Variants in ZNF713 observed in about 807,000 individuals in gnomAD.
ZNF713 encodes the protein zinc finger protein 713.
In ZNF713, 21 loss-of-function variants were observed where a neutral mutation model predicts 28.7. The ratio of observed to expected loss-of-function variants is 0.73; its 90% CI spans 0.52 to 1.05. The LOEUF is 1.05. Ranked by LOEUF, ZNF713 falls within the 50% of genes least tolerant of loss-of-function variation. The pLI is 0.00. For synonymous variants in ZNF713, 167 were observed against 178.0 expected (o/e 0.94, Z 0.49); for missense variants, 458 against 532.4 (o/e 0.86, Z 1.37).
In ZNF713 at chr7:55,939,523, G is replaced by C. The variant is rs1213318331; in HGVS notation, c.849G>C (p.Glu283Asp). The change falls in exon 7 of 7, where the codon GAG (glutamate) becomes GAC (aspartate). Residue 283 changes from glutamate (E) to aspartate (D), a missense_variant. Coordinates refer to ENST00000429591, the MANE Select transcript of ZNF713 (RefSeq NM_182633.3). ...LSQPQMLLTG[E>D]KPYKCDECGK... Reference sequence around the variant, plus strand: ...AGCCTCAGATGTTGCTTACAGGAGAGAAGCCCTATAAGTGTGATGAATGTG... The same window carrying C: ...AGCCTCAGATGTTGCTTACAGGAGACAAGCCCTATAAGTGTGATGAATGTG... 6.2e-7 allele frequency: 1 copy of C among 1,613,896 alleles called. No homozygotes were observed. Among genetic ancestry groups the C allele is most frequent in the Admixed American group, 1.7e-5 (1 of 59,962 alleles).
In ZNF713 at chr7:55,925,280, A is replaced by T. The variant is rs552836384; in HGVS notation, c.307+1581A>T. Among the ~76,000 whole-genome samples, 5 of 152,238 alleles carry T rather than the reference A, an allele frequency of 3.3e-5. No homozygotes were observed. The South Asian group carries it at 1.0e-3, about 32-fold the overall frequency. On this transcript the variant is annotated intron_variant, in intron 6 of 6. Transcript: ENST00000429591. ...CTTCGGCTTTTTCAAGTTGACTTTG[A>T]CTTGGCTATCCTTCTTGCTTTTAAT...
intron 1 of ZNF713, among the ~76,000 whole-genome samples, chr7:55,894,595 C>T (rs1327752167): frequency 6.6e-6 from 1 of 152,116 alleles, no homozygotes; most frequent in African/African-American, 2.4e-5. Flanking sequence ...TTGATACAAC[C>T]TTCCTGGACA....
chr7:55,925,864 T>C (rs1316078203), intron 6 of ZNF713, among the ~76,000 whole-genome samples: 1 of 152,088 alleles, frequency 6.6e-6, no homozygotes, highest in Non-Finnish European at 1.5e-5. Context: ...GAGAACTCCC[T>C]TTTCAGGTAA....
chr7:55,893,011 T>C (rs1785417403), intron 1 of ZNF713, among the ~76,000 whole-genome samples: 1 of 150,884 alleles, frequency 6.6e-6, no homozygotes, highest in African/African-American at 2.4e-5. Context: ...GCCTCCCGAG[T>C]AGCTGGGACT....
intron 6 of ZNF713, chr7:55,924,851 G>A (rs968216369): frequency 6.6e-6 from 1 of 152,148 alleles, no homozygotes; most frequent in Non-Finnish European, 1.5e-5. Context: ...TCCAGCCTGG[G>A]TAACAGAGCG....
intron 4 of ZNF713, among the ~76,000 whole-genome samples, chr7:55,920,392 C>T (rs1257162506): frequency 6.6e-6 from 1 of 152,188 alleles, no homozygotes; most frequent in Non-Finnish European, 1.5e-5. Flanking sequence ...GATAAGAAAG[C>T]AAAACAGCTG....
chr7:55,925,895 C>T (rs974971503), intron 6 of ZNF713, among the ~76,000 whole-genome samples: 1 of 152,164 alleles, frequency 6.6e-6, no homozygotes, highest in Non-Finnish European at 1.5e-5. Flanking sequence ...CAGGGACCTA[C>T]AGCAGAGAGC....
Position 55,939,682 on chromosome 7 carries a change from T to C in ZNF713, c.1008T>C (p.His336=). The change falls in exon 7 of 7, where the codon CAT becomes CAC. Residue 336 remains histidine (H), a synonymous_variant. Transcript: ENST00000429591. ...HSSFTQHLRI[H]TGEKPYKCNQ... ...CCTTTACTCAACATCTGAGGATTCA[T>C]ACTGGAGAAAAGCCCTATAAATGTA... 6.2e-7 allele frequency: 1 copy of C among 1,614,198 alleles called. No homozygotes were observed. The highest frequency in any genetic ancestry group is 1.1e-5 in the South Asian group (1 of 91,080).
intron 1 of ZNF713, among the ~76,000 whole-genome samples, chr7:55,898,667 A>C (rs1003036087): frequency 6.6e-6 from 1 of 152,228 alleles, no homozygotes; most frequent in Non-Finnish European, 1.5e-5. Flanking sequence ...TAGGGACACA[A>C]ATCCAAACCA....
At chr7:55,922,091 A>AT (rs900147947) in intron 4 of ZNF713, among the ~76,000 whole-genome samples, 2 of 151,738 alleles carry the variant, frequency 1.3e-5, no homozygotes, top group African/African-American at 4.8e-5. Context: ...ATGCCTGGCT[A>AT]TTTTTTTGTA....
rs1021701222 is a variant in ZNF713 at position 55,941,942 on chromosome 7, G to A, written c.*1936G>A. The stretch of plus-strand genomic sequence containing the variant: ...TCCTATTGATGAACTTTGAAATATT[G>A]ATTCAGAGAAGTCTGCTTTTCTATT... On this transcript the variant is annotated 3_prime_UTR_variant, in exon 7 of 7. Coordinates refer to ENST00000429591, the MANE Select transcript of ZNF713 (RefSeq NM_182633.3). The A allele has an allele frequency of 6.6e-6, 1 of 152,126 alleles. No individual in the cohort carries two copies. The highest frequency in any genetic ancestry group is 2.4e-5 in the African/African-American group (1 of 41,430). The allele number at this position is 152,126 out of a possible 1,614,324, so 9.4% of individuals were successfully genotyped here.
chr7:55,923,545 G>A (rs1305253348), intron 5 of ZNF713, 62 bp from the exon 6 acceptor site: 3 of 1,412,556 alleles, frequency 2.1e-6, no homozygotes, highest in East Asian at 4.9e-5. Flanking sequence ...AAGGTTGGGA[G>A]TGTGTCTGAG....
intron 6 of ZNF713, among the ~76,000 whole-genome samples, chr7:55,935,769 C>T (rs929459327): frequency 3.5e-4 from 53 of 151,956 alleles, no homozygotes; most frequent in African/African-American, 1.2e-3. Flanking sequence ...CTGGCTAACA[C>T]GGTGAAACCC....
At chr7:55,915,220 A>T (rs1000641533) in intron 4 of ZNF713, among the ~76,000 whole-genome samples, 3 of 152,262 alleles carry the variant, frequency 2.0e-5, no homozygotes, top group African/African-American at 7.2e-5. Flanking sequence ...GCTTTTCCAC[A>T]TTCTAGCCCA....
In ZNF713 at chr7:55,926,373, T is replaced by C. The variant is rs368278715; in HGVS notation, c.307+2674T>C. Among the ~76,000 whole-genome samples, 69 of 152,316 alleles carry C rather than the reference T, an allele frequency of 4.5e-4. 2 individuals carry two copies. The East Asian group carries it at 0.012, about 27-fold the overall frequency. Reference sequence around the variant, plus strand: ...ATCTATATGTGGATGCCCAAGGCTCTTGGTTCACATATAAGCTTGAGCAAG... The same window carrying C: ...ATCTATATGTGGATGCCCAAGGCTCCTGGTTCACATATAAGCTTGAGCAAG... On this transcript the variant is annotated intron_variant, in intron 6 of 6. Coordinates refer to ENST00000429591, the MANE Select transcript of ZNF713 (RefSeq NM_182633.3).
chr7:55,921,920 TTTTG>T (rs961369512), intron 4 of ZNF713, among the ~76,000 whole-genome samples: 9 of 152,236 alleles, frequency 5.9e-5, no homozygotes, highest in South Asian at 4.2e-4. Context: ...TATTGCTGTC[TTTTG>T]TTTGTTTGTT....
intron 4 of ZNF713, among the ~76,000 whole-genome samples, chr7:55,917,410 G>T (rs1172115492): frequency 6.6e-6 from 1 of 151,298 alleles, no homozygotes; most frequent in East Asian, 2.0e-4. Context: ...ACAGAAAAAG[G>T]TACAAAAGGC....
At chr7:55,933,463 T>A (rs911364326) in intron 6 of ZNF713, among the ~76,000 whole-genome samples, 1 of 151,404 alleles carries the variant, frequency 6.6e-6, no homozygotes, top group Non-Finnish European at 1.5e-5. Flanking sequence ...GCCTGGCTAA[T>A]TTTTTGTATT....
intron 6 of ZNF713, among the ~76,000 whole-genome samples, chr7:55,933,186 G>A (rs1178749731): frequency 6.6e-6 from 1 of 150,982 alleles, no homozygotes; most frequent in South Asian, 2.1e-4. Flanking sequence ...GCAATGAGCC[G>A]AGATCACACC....
Sources: gnomAD v4.1 joint callset for allele counts (sites outside exome capture counted in the v4.1 genomes callset) on GRCh38, gnomAD v4.1.1 for gene constraint, MANE v1.5 for transcripts, NCBI Gene and HGNC (gene_info 2026-07-23, HGNC 2026-07-21) for gene names.